DSC1: variants seen among roughly 807,000 people sequenced by gnomAD.
The protein encoded by DSC1 is desmocollin-1.
A neutral mutation model predicts 98.8 loss-of-function variants in DSC1; 79 were observed. That is an observed-to-expected ratio of 0.80 (90% confidence interval 0.67 to 0.96). The LOEUF (loss-of-function observed/expected upper bound fraction) is 0.96. Ranked by LOEUF, DSC1 falls within the 50% of genes least tolerant of loss-of-function variation. DSC1 has a pLI of 0.00. For synonymous variants in DSC1, 405 were observed against 372.1 expected (o/e 1.09, Z -1.02); for missense variants, 1,115 against 1,075.9 (o/e 1.04, Z -0.51).
At chr18:31,152,093 C>G (rs770811495) in intron 5 of DSC1, among the ~76,000 whole-genome samples, 1 of 151,718 alleles carries the variant, frequency 6.6e-6, no homozygotes, top group African/African-American at 2.4e-5. Context: ...ACTCAGAAGG[C>G]AGAGGTTGCA....
intron 7 of DSC1, among the ~76,000 whole-genome samples, chr18:31,145,026 G>T (rs1388633145): frequency 7.0e-6 from 1 of 142,322 alleles, no homozygotes. Context: ...TGCAAGCTCC[G>T]CCTCCCGGGT....
At chr18:31,131,517 A>G in intron 15 of DSC1, 77 bp downstream of exon 15, 1 of 1,570,070 alleles carries the variant, frequency 6.4e-7, no homozygotes. Context: ...TATGAGGAGT[A>G]AAACTTTTGG....
intron 9 of DSC1, among the ~76,000 whole-genome samples, chr18:31,141,140 A>T (rs1428687915): frequency 6.6e-6 from 1 of 152,154 alleles, no homozygotes; most frequent in East Asian, 1.9e-4. Flanking sequence ...TGTCTTTATC[A>T]GCCATGTGAA....
At chr18:31,155,405 G>A (rs1478616474) in intron 4 of DSC1, among the ~76,000 whole-genome samples, 1 of 152,102 alleles carries the variant, frequency 6.6e-6, no homozygotes, top group Non-Finnish European at 1.5e-5. Context: ...CTAGGCAGGT[G>A]AATCACCTGA....
chr18:31,146,138 G>C (rs1314175392), intron 6 of DSC1, among the ~76,000 whole-genome samples: 1 of 151,956 alleles, frequency 6.6e-6, no homozygotes, highest in African/African-American at 2.4e-5. Context: ...TTGTTACAGG[G>C]GTATATTGTG....
At chr18:31,146,588 C>T (rs911179199) in intron 6 of DSC1, among the ~76,000 whole-genome samples, 2 of 152,116 alleles carry the variant, frequency 1.3e-5, no homozygotes, top group African/African-American at 2.4e-5. Context: ...TTTGTTTTCC[C>T]TTGGGTATAT....
chr18:31,136,586 G>A (rs561999999), intron 11 of DSC1, among the ~76,000 whole-genome samples: 65 of 152,236 alleles, frequency 4.3e-4, no homozygotes, highest in Non-Finnish European at 8.1e-4. Context: ...TTAGAACAGG[G>A]GTGTCCAATC....
chr18:31,153,721 C>G (rs938031035), intron 5 of DSC1, among the ~76,000 whole-genome samples: 1 of 152,100 alleles, frequency 6.6e-6, no homozygotes, highest in Non-Finnish European at 1.5e-5. Flanking sequence ...CACACTCTTC[C>G]TTAGCTTCAA....
At chr18:31,139,968 C>A in intron 10 of DSC1, 74 bp downstream of exon 10, 1 of 1,564,954 alleles carries the variant, frequency 6.4e-7, no homozygotes, top group South Asian at 1.2e-5. Context: ...TTGAAAAATA[C>A]ATAAAACATT....
chr18:31,130,752 C>T (rs1374546737), intron 15 of DSC1, 41 bp from the exon 16 acceptor site: 20 of 1,611,942 alleles, frequency 1.2e-5, no homozygotes, highest in Non-Finnish European at 1.7e-5. Flanking sequence ...TTTTAAAAAA[C>T]ACCTAAACAT....
At chr18:31,133,842 A>AT in intron 13 of DSC1, 49 bp downstream of exon 13, 1 of 1,526,644 alleles carries the variant, frequency 6.6e-7, no homozygotes, top group Non-Finnish European at 8.8e-7. Context: ...AAAATACTAG[A>AT]TAAAATTTTA....
intron 9 of DSC1, among the ~76,000 whole-genome samples, chr18:31,141,788 A>G (rs1294734623): frequency 3.3e-5 from 5 of 152,200 alleles, no homozygotes; most frequent in African/African-American, 9.7e-5. Context: ...CTTCATATAG[A>G]GAACAATGAG....
intron 5 of DSC1, among the ~76,000 whole-genome samples, chr18:31,150,083 C>A (rs1041590821): frequency 2.6e-5 from 4 of 151,520 alleles, no homozygotes; most frequent in Admixed American, 2.0e-4. Context: ...CCACCATCAG[C>A]AGCAGCTCCA....
chr18:31,144,940 C>CTTTTTTTTT (rs1180867352), intron 7 of DSC1, among the ~76,000 whole-genome samples: 1 of 105,092 alleles, frequency 9.5e-6, no homozygotes, highest in Non-Finnish European at 1.8e-5. Flanking sequence ...CTTTTTCTTT[C>CTTTTTTTTT]TTTTTTTTTT....
chr18:31,160,022 T>C (rs1171384446), intron 1 of DSC1, among the ~76,000 whole-genome samples: 1 of 152,218 alleles, frequency 6.6e-6, no homozygotes, highest in Non-Finnish European at 1.5e-5. Flanking sequence ...CAAAAAATCA[T>C]TGTTCTCAAA....
chr18:31,130,888 A>C, intron 15 of DSC1, 177 bp from the exon 16 acceptor site: 5 of 1,506,316 alleles, frequency 3.3e-6, no homozygotes, highest in Non-Finnish European at 4.5e-6. Flanking sequence ...TCACTCTTAA[A>C]ATATAGCAAA....
At chr18:31,161,723 G>T (rs556096731) in intron 1 of DSC1, among the ~76,000 whole-genome samples, 4 of 152,080 alleles carry the variant, frequency 2.6e-5, no homozygotes, top group Admixed American at 6.5e-5. Flanking sequence ...AACTTAAGAT[G>T]GTATCTGAGT....
rs761130425 is a variant in DSC1 at position 31,130,542 on chromosome 18, G to T, written c.2657C>A (p.Thr886Lys). 2 of 1,614,112 alleles carry T rather than the reference G, an allele frequency of 1.2e-6. No individual in the cohort carries two copies. Among genetic ancestry groups the T allele is most frequent in the African/African-American group, 2.7e-5 (2 of 75,020 alleles). ...TTTCTTGATGCATGTCTTTGCTAAT[G>T]TCCTAAATTTGGGTTCCAGGTGATC... ...FLDHLEPKFRTLAKTCIKK is the reference protein window; with the variant it reads ...FLDHLEPKFRKLAKTCIKK Residue 886 changes from threonine to lysine, a missense_variant, in exon 16 of 16, where the codon ACA becomes AAA. Coordinates refer to ENST00000257198, the MANE Select transcript of DSC1 (RefSeq NM_024421.2).
rs527601806 is a variant in DSC1 at position 31,140,160 on chromosome 18, C to A, written c.1402G>T (p.Gly468Cys). 3 of 1,613,902 alleles carry A rather than the reference C, an allele frequency of 1.9e-6. No homozygotes were observed. The African/African-American group carries it at 4.0e-5, about 22-fold the overall frequency. Residue 468 changes from glycine to cysteine, a missense_variant, in exon 10 of 16, where the codon GGC (glycine) becomes TGC (cysteine). Coordinates refer to ENST00000257198, the MANE Select transcript of DSC1 (RefSeq NM_024421.2). ...TTCACTGGAGGGTGGCATTCAGGGC[C>A]CTCATCACTGTCTATAATTTTAACG... ...VTVKIIDSDE[G>C]PECHPPVKVI... is the part of the protein sequence containing the mutation.
Sources: allele counts gnomAD v4.1 joint callset (sites outside exome capture counted in the v4.1 genomes callset), GRCh38; gene constraint gnomAD v4.1.1; transcripts MANE v1.5; gene names NCBI Gene and HGNC (gene_info 2026-07-23, HGNC 2026-07-21).